LAPTM4B: variants seen among roughly 807,000 people sequenced by gnomAD.
The protein encoded by LAPTM4B is lysosomal protein transmembrane 4 beta.
A neutral mutation model predicts 28.5 loss-of-function variants in LAPTM4B; 26 were observed. That is an observed-to-expected ratio of 0.91 (90% CI 0.67 to 1.27). The LOEUF (loss-of-function observed/expected upper bound fraction) is 1.27, where lower values mean the gene tolerates loss of function less well. Ranked by LOEUF, LAPTM4B falls within the 50% of genes most tolerant of loss-of-function variation. The pLI, the probability that LAPTM4B is intolerant of heterozygous loss-of-function variation, is 0.00. For synonymous variants in LAPTM4B, 109 were observed against 106.4 expected, an observed-to-expected ratio of 1.02 and a Z score of -0.15; for missense variants, 288 against 285.8, an observed-to-expected ratio of 1.01 and a Z score of -0.06.
chr8:97,820,181 T>G (rs917552691), intron 5 of LAPTM4B, among the ~76,000 whole-genome samples: 2 of 152,242 alleles, frequency 1.3e-5, no homozygotes. Flanking sequence ...CTTTTTCATC[T>G]TGGTCAATCT....
intron 1 of LAPTM4B, among the ~76,000 whole-genome samples, chr8:97,781,739 T>C (rs1210953604): frequency 6.6e-6 from 1 of 152,240 alleles, no homozygotes; most frequent in Non-Finnish European, 1.5e-5. Context: ...TGCTTATTCA[T>C]GTAAAATGGA....
At chr8:97,851,128 C>T (rs1048978847) in intron 6 of LAPTM4B, among the ~76,000 whole-genome samples, 7 of 152,158 alleles carry the variant, frequency 4.6e-5, no homozygotes, top group African/African-American at 1.7e-4. Context: ...TCTTCAGAGC[C>T]ATCACCATTT....
rs79531868 is a variant in LAPTM4B, at chr8:97,809,831, C to A, written c.211+4367C>A. Among the ~76,000 whole-genome samples the A allele has an allele frequency of 9.2e-3, 1,393 of 152,226 alleles. 8 individuals carry two copies. The highest frequency in any genetic ancestry group is 0.012 in the Non-Finnish European group (829 of 68,020). On this transcript the variant is annotated intron_variant, in intron 2 of 6. Transcript: ENST00000521545. The stretch of plus-strand genomic sequence containing the variant: ...TCTCACTTTTGCAGGTGATCCTTTC[C>A]ATGATCTGGTAGAAGAAAGCTAAAT...
chr8:97,794,152 G>T (rs1311936485), intron 1 of LAPTM4B, among the ~76,000 whole-genome samples: 1 of 151,962 alleles, frequency 6.6e-6, no homozygotes, highest in African/African-American at 2.4e-5. Context: ...GCTAATTTTT[G>T]TATTTTTAGT....
At chr8:97,776,690 T>TCC (rs112032063) in intron 1 of LAPTM4B, among the ~76,000 whole-genome samples, 4,494 of 148,992 alleles carry the variant, frequency 0.03, 212 homozygotes, top group African/African-American at 0.099. Flanking sequence ...TGTGAATGGG[T>TCC]CCCCCCCCCG....
intron 2 of LAPTM4B, among the ~76,000 whole-genome samples, chr8:97,813,396 G>A (rs1423507118): frequency 2.6e-5 from 4 of 152,248 alleles, no homozygotes; most frequent in African/African-American, 7.2e-5. Flanking sequence ...TCTCCTACCT[G>A]CTTTATTCTA....
chr8:97,779,693 G>T (rs529938018), intron 1 of LAPTM4B, among the ~76,000 whole-genome samples: 2 of 151,182 alleles, frequency 1.3e-5, no homozygotes, highest in East Asian at 3.9e-4. Context: ...GCTGAGGCAT[G>T]AGAATTGCTT....
chr8:97,787,147 AAG>A (rs1816415845), intron 1 of LAPTM4B, among the ~76,000 whole-genome samples: 1 of 152,120 alleles, frequency 6.6e-6, no homozygotes, highest in South Asian at 2.1e-4. Context: ...GTAAGGGAGA[AAG>A]GGGTATCTGG....
chr8:97,814,275 C>T (rs1816868509), intron 2 of LAPTM4B, among the ~76,000 whole-genome samples: 1 of 152,078 alleles, frequency 6.6e-6, no homozygotes, highest in Non-Finnish European at 1.5e-5. Flanking sequence ...TTTGGGAGGC[C>T]GAGGCTGGCA....
intron 6 of LAPTM4B, among the ~76,000 whole-genome samples, chr8:97,832,696 ATTTTAT>A (rs58497206): frequency 2.1e-5 from 3 of 144,720 alleles, no homozygotes; most frequent in East Asian, 2.0e-4. Context: ...ATTTTATTTT[ATTTTAT>A]TTTTATTTTA....
intron 1 of LAPTM4B, among the ~76,000 whole-genome samples, chr8:97,780,196 G>A (rs1431771122): frequency 6.6e-6 from 1 of 151,916 alleles, no homozygotes; most frequent in African/African-American, 2.4e-5. Context: ...AGACTGAGGC[G>A]GGTGGATCAC....
chr8:97,831,776 G>A (rs866605558), intron 6 of LAPTM4B, among the ~76,000 whole-genome samples: 8 of 152,180 alleles, frequency 5.3e-5, no homozygotes, highest in African/African-American at 1.4e-4. Flanking sequence ...GTGTGCAGGC[G>A]CTGAGGCTGC....
chr8:97,851,348 C>A (rs1407786381), intron 6 of LAPTM4B, 49 bp from the exon 7 acceptor site: 3 of 1,408,722 alleles, frequency 2.1e-6, no homozygotes, highest in Non-Finnish European at 3.0e-6. Flanking sequence ...CCTCGGGGAA[C>A]GTGTGTGCTC....
chr8:97,824,524 C>T (rs1277747194), intron 5 of LAPTM4B, among the ~76,000 whole-genome samples: 2 of 151,888 alleles, frequency 1.3e-5, no homozygotes, highest in Non-Finnish European at 1.5e-5. Flanking sequence ...GTATCGTCGT[C>T]GGATATTTCG....
At chr8:97,820,399 C>T (rs1362681090) in intron 5 of LAPTM4B, among the ~76,000 whole-genome samples, 1 of 148,466 alleles carries the variant, frequency 6.7e-6, no homozygotes, top group Non-Finnish European at 1.5e-5. Flanking sequence ...GTGTGAACCA[C>T]TGCACCCAGC....
intron 6 of LAPTM4B, among the ~76,000 whole-genome samples, chr8:97,844,752 C>A (rs2129853999): frequency 1.3e-5 from 2 of 152,232 alleles, no homozygotes; most frequent in Middle Eastern, 3.4e-3. Context: ...CAGGCCTTTG[C>A]AGAAGCTCAT....
chr8:97,838,627 C>T (rs1298344093), intron 6 of LAPTM4B, among the ~76,000 whole-genome samples: 1 of 152,202 alleles, frequency 6.6e-6, no homozygotes, highest in Admixed American at 6.5e-5. Flanking sequence ...TTCTGACCCA[C>T]TCACCTCCTC....
At chr8:97,812,214 T>C (rs374000895) in intron 2 of LAPTM4B, among the ~76,000 whole-genome samples, 1 of 40,632 alleles carries the variant, frequency 2.5e-5, no homozygotes, top group South Asian at 1.4e-3. Context: ...TTGTTTTTTT[T>C]TTGTTGTTTT....
chr8:97,821,705 G>T (rs982474801), intron 5 of LAPTM4B, among the ~76,000 whole-genome samples: 14 of 152,154 alleles, frequency 9.2e-5, no homozygotes, highest in Non-Finnish European at 1.9e-4. Context: ...GGAGCAAGGG[G>T]CCAGCGAGTC....
Sources: gnomAD v4.1 joint callset for allele counts (sites outside exome capture counted in the v4.1 genomes callset) on GRCh38, gnomAD v4.1.1 for gene constraint, MANE v1.5 for transcripts, NCBI Gene and HGNC (gene_info 2026-07-23, HGNC 2026-07-21) for gene names.